Variants in CDH23 observed in about 807,000 individuals in gnomAD.
CDH23 encodes cadherin related 23.
A neutral mutation model predicts 317.1 loss-of-function variants in CDH23; 189 were observed. The observed-to-expected ratio is 0.60, with a 90% CI of 0.53 to 0.67. The LOEUF (loss-of-function observed/expected upper bound fraction) is 0.67, where lower values mean the gene tolerates loss of function less well. Among genes scored for constraint, CDH23 ranks in the 30% least tolerant of loss-of-function variants. The pLI is 0.00. For synonymous variants in CDH23, 1,839 were observed against 1,876.8 expected, an observed-to-expected ratio of 0.98 and a Z score of 0.52; for missense variants, 4,401 against 4,592.4, an observed-to-expected ratio of 0.96 and a Z score of 1.20.
Position 71,772,424 on chromosome 10 carries a change from G to C in CDH23, c.4846-5256G>C, listed in dbSNP as rs545622274. On this transcript the variant is annotated intron_variant, in intron 38 of 69. Transcript: ENST00000224721. The stretch of plus-strand genomic sequence containing the variant: ...CTCCCTATAAAGTTTGGTTCCACAG[G>C]CTCTTTGAAGAGATCCAGCCTCTTC... 1.1e-4 allele frequency among the ~76,000 whole-genome samples: 16 copies of C among 152,306 alleles called. No homozygotes were observed. The East Asian group carries it at 2.9e-3, about 27-fold the overall frequency.
intron 38 of CDH23, among the ~76,000 whole-genome samples, chr10:71,759,318 G>A (rs943574097): frequency 1.8e-4 from 27 of 152,022 alleles, no homozygotes; most frequent in African/African-American, 4.8e-4. Context: ...GATTACAGGC[G>A]TGAGCCACCG....
chr10:71,714,162 T>C (rs902659955), intron 28 of CDH23: 11 of 152,048 alleles, frequency 7.2e-5, no homozygotes, highest in African/African-American at 2.2e-4. Flanking sequence ...TGAGATCAGA[T>C]TGACTTGGAA....
chr10:71,474,745 A>G (rs1851701025), intron 3 of CDH23, among the ~76,000 whole-genome samples: 1 of 152,188 alleles, frequency 6.6e-6, no homozygotes, highest in Non-Finnish European at 1.5e-5. Flanking sequence ...AAGAGAACTT[A>G]CTTGTCCTTG....
At chr10:71,684,035 C>T (rs112990988) in intron 18 of CDH23, among the ~76,000 whole-genome samples, 13 of 151,972 alleles carry the variant, frequency 8.6e-5, no homozygotes, top group African/African-American at 2.7e-4. Context: ...GAGCCGAGAT[C>T]GCACCATTGC....
At chr10:71,687,238 T>A (rs1199207497) in intron 18 of CDH23, among the ~76,000 whole-genome samples, 4 of 152,194 alleles carry the variant, frequency 2.6e-5, no homozygotes, top group Non-Finnish European at 5.9e-5. Flanking sequence ...TTTGTCATCA[T>A]CCTGGTGGAC....
intron 6 of CDH23, among the ~76,000 whole-genome samples, chr10:71,553,757 T>G (rs1856729018): frequency 6.6e-6 from 1 of 152,224 alleles, no homozygotes; most frequent in Non-Finnish European, 1.5e-5. Flanking sequence ...TGCAAAGGAA[T>G]GAATTTGGGG....
intron 14 of CDH23, among the ~76,000 whole-genome samples, chr10:71,674,151 G>T (rs990743532): frequency 2.6e-5 from 4 of 152,108 alleles, no homozygotes; most frequent in African/African-American, 9.7e-5. Context: ...TTAATCCTTT[G>T]GGTATAAACT....
intron 61 of CDH23, 38 bp from the exon 62 acceptor site, chr10:71,810,434 T>A: frequency 6.3e-7 from 1 of 1,578,986 alleles, no homozygotes; most frequent in Non-Finnish European, 8.7e-7. Flanking sequence ...GGCCCCCTGC[T>A]GTGGTGGCCA....
chr10:71,573,503 G>T (rs987788408), intron 8 of CDH23, among the ~76,000 whole-genome samples: 3 of 152,122 alleles, frequency 2.0e-5, no homozygotes, highest in African/African-American at 7.2e-5. Context: ...GATCCCACAG[G>T]CCCCTGCTAG....
chr10:71,515,051 T>G (rs1447125761), intron 6 of CDH23, among the ~76,000 whole-genome samples: 1 of 152,178 alleles, frequency 6.6e-6, no homozygotes, highest in Non-Finnish European at 1.5e-5. Flanking sequence ...CCCTCCAGTG[T>G]GCCCCAGGGA....
chr10:71,732,499 T>G, intron 32 of CDH23, 124 bp downstream of exon 32: 1 of 1,419,396 alleles, frequency 7.0e-7, no homozygotes, highest in Non-Finnish European at 9.5e-7. Flanking sequence ...AAGTGTGGTG[T>G]TAGGTACCTG....
chr10:71,706,975 A>C lies in CDH23; in HGVS notation c.3032A>C (p.Glu1011Ala). The C allele has an allele frequency of 6.2e-7, 1 of 1,607,748 alleles. No homozygotes were observed. Among genetic ancestry groups the C allele is most frequent in the Non-Finnish European group, 8.5e-7 (1 of 1,177,286 alleles). ...TCTGTGTCCGAGGACGTGCCACGCG[A>C]GTTCCGGGTGGTCTGGCTGAACTGC... ...NVSVSEDVPR[E>A]FRVVWLNCTD... Residue 1011 changes from glutamate (E) to alanine (A), a missense_variant, in exon 26 of 70, where the codon GAG (glutamate) becomes GCG (alanine). Coordinates refer to ENST00000224721, the MANE Select transcript of CDH23 (RefSeq NM_022124.6).
At chr10:71,543,132 C>T (rs1856075472) in intron 6 of CDH23, among the ~76,000 whole-genome samples, 1 of 152,232 alleles carries the variant, frequency 6.6e-6, no homozygotes, top group Non-Finnish European at 1.5e-5. Flanking sequence ...GGGCCCCATT[C>T]AGCAGGTGTG....
chr10:71,443,533 C>A (rs900157192), intron 2 of CDH23, among the ~76,000 whole-genome samples: 13 of 152,390 alleles, frequency 8.5e-5, no homozygotes, highest in African/African-American at 3.1e-4. Flanking sequence ...AAAGCAGGCA[C>A]ATGCCCTCCC....
chr10:71,587,059 C>A (rs1458648784), intron 9 of CDH23, among the ~76,000 whole-genome samples: 1 of 152,260 alleles, frequency 6.6e-6, no homozygotes, highest in Non-Finnish European at 1.5e-5. Flanking sequence ...CATACGTCAT[C>A]TCTCACCCCC....
At chr10:71,706,630 C>T (rs1293928856) in intron 25 of CDH23, among the ~76,000 whole-genome samples, 1 of 152,226 alleles carries the variant, frequency 6.6e-6, no homozygotes, top group Non-Finnish European at 1.5e-5. Context: ...GTTTTCTCTC[C>T]TCCCTTTGAC....
chr10:71,571,123 C>G (rs1857774624), intron 8 of CDH23, among the ~76,000 whole-genome samples: 1 of 152,224 alleles, frequency 6.6e-6, no homozygotes, highest in African/African-American at 2.4e-5. Context: ...TCTCACTCTA[C>G]CCAAGGGGCT....
rs111033271 is a variant in CDH23, at chr10:71,793,370, G to A, written c.6442G>A (p.Asp2148Asn). 9.0e-5 allele frequency: 145 copies of A among 1,613,806 alleles called. No individual in the cohort carries two copies. Among genetic ancestry groups the A allele is most frequent in the Non-Finnish European group, 1.2e-4 (137 of 1,179,892 alleles). ...ESYRLTVVAT[D>N]RGTVPLSGTA... is the part of the protein sequence containing the mutation. ...CTACAGGCTAACGGTGGTGGCCACC[G>A]ACCGGGGCACCGTTCCTCTCTCGGG... is the stretch of plus-strand genomic sequence containing the variant. The change falls in exon 48 of 70, where the codon GAC becomes AAC. Residue 2148 changes from aspartate to asparagine, a missense_variant. Physicochemically the swap from Asp to Asn is conservative, Grantham distance 23 (BLOSUM62 1). Coordinates refer to ENST00000224721, the MANE Select transcript of CDH23 (RefSeq NM_022124.6).
intron 11 of CDH23, among the ~76,000 whole-genome samples, chr10:71,618,245 G>T (rs1861292881): frequency 6.6e-6 from 1 of 152,106 alleles, no homozygotes; most frequent in Admixed American, 6.5e-5. Context: ...GTCTACCCTG[G>T]CTGGGCCCAG....
Sources: gnomAD v4.1 joint callset for allele counts (sites outside exome capture counted in the v4.1 genomes callset) on GRCh38, gnomAD v4.1.1 for gene constraint, MANE v1.5 for transcripts, NCBI Gene and HGNC (gene_info 2026-07-23, HGNC 2026-07-21) for gene names.